The following IP6K3 variants were observed in gnomAD, a reference collection of about 807,000 sequenced individuals.
IP6K3 encodes inositol hexakisphosphate kinase 3, also known as ATP:1D-myo-inositol-hexakisphosphate phosphotransferase.
IP6K3 carries 20 observed loss-of-function variants against 28.8 expected under a neutral mutation model. That is an observed-to-expected ratio of 0.70 (90% CI 0.49 to 1.01). The LOEUF (loss-of-function observed/expected upper bound fraction) is 1.01, where lower values mean the gene tolerates loss of function less well. Ranked by LOEUF, IP6K3 falls within the 50% of genes least tolerant of loss-of-function variation. IP6K3 has a pLI of 0.00. For missense variants in IP6K3, 480 were observed against 537.1 expected (o/e 0.89, Z 1.05); for synonymous variants, 213 against 221.3 (o/e 0.96, Z 0.33).
At chr6:33,753,875 C>T in the IP6K3 span, among the ~76,000 whole-genome samples, 4 of 152,082 alleles carry the variant, frequency 2.6e-5, no homozygotes, top group African/African-American at 9.7e-5. Flanking sequence ...GTGGCGCGAT[C>T]TCAGCTCACT....
intron 1 of IP6K3, among the ~76,000 whole-genome samples, chr6:33,736,556 C>T (rs1766533829): frequency 6.6e-6 from 1 of 152,202 alleles, no homozygotes; most frequent in Non-Finnish European, 1.5e-5. Context: ...AGGCGCCTGC[C>T]ACCACATCCG....
intron 3 of IP6K3, among the ~76,000 whole-genome samples, chr6:33,727,552 C>T (rs1344970499): frequency 6.6e-6 from 1 of 152,186 alleles, no homozygotes; most frequent in Non-Finnish European, 1.5e-5. Context: ...CGTGGGGAGC[C>T]TTTTCACCTG....
At chr6:33,747,005 T>C (rs984765218), upstream of IP6K3, 1 of 152,058 alleles carries the variant, frequency 6.6e-6, no homozygotes, top group Admixed American at 6.6e-5. The surrounding 1 kb of genome is among the most constrained non-coding windows in gnomAD (Gnocchi z 5.2). Context: ...GTCAGCTGGG[T>C]GTTCTGCTGC....
chr6:33,739,585 T>C (rs1005291703), intron 1 of IP6K3, among the ~76,000 whole-genome samples: 1 of 152,172 alleles, frequency 6.6e-6, no homozygotes, highest in Non-Finnish European at 1.5e-5. Context: ...GTTTCTGCCT[T>C]TGTGTGTGGC....
intron 5 of IP6K3, among the ~76,000 whole-genome samples, chr6:33,725,228 CAAAAAAAA>C (rs10570024): frequency 8.6e-6 from 1 of 116,742 alleles, no homozygotes; most frequent in Non-Finnish European, 1.7e-5. Context: ...GACTCCGTCT[CAAAAAAAA>C]AAAAAAAAAA....
intron 5 of IP6K3, among the ~76,000 whole-genome samples, chr6:33,724,653 A>G (rs527999859): frequency 6.6e-6 from 1 of 152,304 alleles, no homozygotes; most frequent in South Asian, 2.1e-4. Flanking sequence ...TGGATTAAGA[A>G]GGGGAAATGG....
At chr6:33,757,101 C>T in the IP6K3 span, among the ~76,000 whole-genome samples, 13 of 152,254 alleles carry the variant, frequency 8.5e-5, no homozygotes, top group Non-Finnish European at 1.9e-4. Flanking sequence ...CACCTGGCCT[C>T]TCTGAGGCAC....
rs1281497469 is a variant in IP6K3, at chr6:33,742,539, C to A, written c.-180+4219G>T. 6.6e-6 allele frequency among the ~76,000 whole-genome samples: 1 copy of A among 152,180 alleles called. No homozygotes were observed. The highest frequency in any genetic ancestry group is 1.5e-5 in the Non-Finnish European group (1 of 68,032). The stretch of plus-strand genomic sequence containing the variant: ...TCTTAGGGCCCTGGGTGAGGGCTCC[C>A]ACCCGGGGGGCCTGCCAAGACCTTA... On this transcript the variant is annotated intron_variant, in intron 1 of 5. Coordinates refer to ENST00000293756, the MANE Select transcript of IP6K3 (RefSeq NM_054111.5). The surrounding 1 kb of genome is among the most constrained non-coding windows in gnomAD (Gnocchi z 4.5).
intron 1 of IP6K3, among the ~76,000 whole-genome samples, chr6:33,739,828 C>A (rs547024871): frequency 1.3e-5 from 2 of 152,196 alleles, no homozygotes; most frequent in Non-Finnish European, 2.9e-5. Context: ...CTACTCCAGG[C>A]GCTCCTGGAG....
intron 4 of IP6K3, among the ~76,000 whole-genome samples, chr6:33,726,485 C>T (rs1766117225): frequency 6.6e-6 from 1 of 152,250 alleles, no homozygotes; most frequent in African/African-American, 2.4e-5. Context: ...CCCCCCAGGG[C>T]ACTGCGCTCA....
chr6:33,723,997 G>T (rs1428943404), intron 5 of IP6K3, among the ~76,000 whole-genome samples: 1 of 150,208 alleles, frequency 6.7e-6, no homozygotes, highest in South Asian at 2.2e-4. Flanking sequence ...GCATGGCCGG[G>T]GGGGGGTGGC....
At chr6:33,738,893 T>C (rs1283184958) in intron 1 of IP6K3, among the ~76,000 whole-genome samples, 1 of 152,146 alleles carries the variant, frequency 6.6e-6, no homozygotes, top group East Asian at 1.9e-4. Flanking sequence ...ATTCAGTACA[T>C]GGGCTAGGAG....
chr6:33,733,821 C>T (rs1291042168), intron 2 of IP6K3, among the ~76,000 whole-genome samples: 1 of 152,220 alleles, frequency 6.6e-6, no homozygotes, highest in Non-Finnish European at 1.5e-5. Flanking sequence ...GGCCTGGAAT[C>T]CAGGCATGTG....
chr6:33,726,009 A>T (rs1253395145), intron 4 of IP6K3, among the ~76,000 whole-genome samples: 1 of 152,212 alleles, frequency 6.6e-6, no homozygotes, highest in Non-Finnish European at 1.5e-5. Context: ...AAGTGGGTTG[A>T]TGTTAGCTTT....
intron 2 of IP6K3, among the ~76,000 whole-genome samples, chr6:33,732,495 T>G (rs1226391675): frequency 6.6e-6 from 1 of 152,176 alleles, no homozygotes; most frequent in Non-Finnish European, 1.5e-5. Flanking sequence ...CTCCTTGGGC[T>G]AGATGACCCC....
chr6:33,729,550 C>T (rs751737439), intron 2 of IP6K3, among the ~76,000 whole-genome samples: 1 of 152,118 alleles, frequency 6.6e-6, no homozygotes, highest in African/African-American at 2.4e-5. Context: ...CCACTGGTTC[C>T]CACCCCTCTT....
At chr6:33,759,867 C>G in the IP6K3 span, among the ~76,000 whole-genome samples, 1 of 150,378 alleles carries the variant, frequency 6.6e-6, no homozygotes, top group South Asian at 2.1e-4. Flanking sequence ...AGTGAGACTC[C>G]GTCTAAAAAA....
At chr6:33,730,187 C>T (rs1190622357) in intron 2 of IP6K3, among the ~76,000 whole-genome samples, 1 of 152,196 alleles carries the variant, frequency 6.6e-6, no homozygotes, top group Non-Finnish European at 1.5e-5. Flanking sequence ...TTCTGCTGAG[C>T]CAGCCGTGAA....
rs574497749 is a variant in IP6K3, at chr6:33,738,644, C to G, written c.-179-2989G>C. Among the ~76,000 whole-genome samples, 7 of 152,308 alleles carry G rather than the reference C, an allele frequency of 4.6e-5. No homozygotes were observed. The South Asian group carries it at 1.2e-3, about 27-fold the overall frequency. ...AAGTAGCTTCCCTATCTGCACCTAGCTAGTATAGGAAGAGCAGGGATTTGA... is the reference window on the plus strand; with the variant it reads ...AAGTAGCTTCCCTATCTGCACCTAGGTAGTATAGGAAGAGCAGGGATTTGA... On this transcript the variant is annotated intron_variant, in intron 1 of 5. Transcript: ENST00000293756.
Sources: allele counts gnomAD v4.1 joint callset (sites outside exome capture counted in the v4.1 genomes callset), GRCh38; gene constraint gnomAD v4.1.1; non-coding constraint Gnocchi (gnomAD v3.1); transcripts MANE v1.5; gene names NCBI Gene and HGNC (gene_info 2026-07-23, HGNC 2026-07-21).